The following ADAMTS20 variants were observed in gnomAD, a reference collection of about 807,000 sequenced individuals.
ADAMTS20 encodes the protein A disintegrin and metalloproteinase with thrombospondin motifs 20.
Under a neutral mutation model 260.1 loss-of-function variants are expected in ADAMTS20, and 225 were observed. That is an observed-to-expected ratio of 0.87 (90% CI 0.78 to 0.97). The LOEUF is 0.97. Among genes scored for constraint, ADAMTS20 ranks in the 50% least tolerant of loss-of-function variants. The pLI, the probability that ADAMTS20 is intolerant of heterozygous loss-of-function variation, is 0.00. For missense variants in ADAMTS20, 2,400 were observed against 2,337.7 expected, an observed-to-expected ratio of 1.03 and a Z score of -0.55; for synonymous variants, 802 against 769.5, an observed-to-expected ratio of 1.04 and a Z score of -0.70.
chr12:43,389,020 A>G (rs887651586), intron 29 of ADAMTS20, among the ~76,000 whole-genome samples: 1 of 152,182 alleles, frequency 6.6e-6, no homozygotes, highest in Non-Finnish European at 1.5e-5. Context: ...GAACTTCATC[A>G]TATAAATTTT....
At chr12:43,502,511 C>T in intron 3 of ADAMTS20, 106 bp from the exon 4 acceptor site, 1 of 1,000,408 alleles carries the variant, frequency 1.0e-6, no homozygotes, top group Non-Finnish European at 1.4e-6. Context: ...CATATCTGTT[C>T]CCAACATGAA....
At chr12:43,393,154 A>G (rs1038531778) in intron 29 of ADAMTS20, among the ~76,000 whole-genome samples, 2 of 152,194 alleles carry the variant, frequency 1.3e-5, no homozygotes, top group Admixed American at 1.3e-4. Flanking sequence ...AAACACTATC[A>G]TCCACTCTTA....
At chr12:43,455,714 T>A (rs1035922923) in intron 11 of ADAMTS20, among the ~76,000 whole-genome samples, 43 of 149,476 alleles carry the variant, frequency 2.9e-4, no homozygotes, top group African/African-American at 9.7e-4. Flanking sequence ...CTTTCATCTT[T>A]TTTTTTTTTT....
At chr12:43,510,165 G>T (rs568225018) in intron 3 of ADAMTS20, among the ~76,000 whole-genome samples, 1 of 152,172 alleles carries the variant, frequency 6.6e-6, no homozygotes, top group Non-Finnish European at 1.5e-5. Context: ...AATATAAATG[G>T]TGTGTGTAGT....
Position 43,441,313 on chromosome 12 carries a change from A to G in ADAMTS20, c.2291-1244T>C, listed in dbSNP as rs561976172. ...ACCTATAGAATATGTATATGTGTGT[A>G]TATTTATTTATATACTATATATATA... is the stretch of plus-strand genomic sequence containing the variant. On this transcript the variant is annotated intron_variant, in intron 16 of 38. Coordinates refer to ENST00000389420, the MANE Select transcript of ADAMTS20 (RefSeq NM_025003.5). Among the ~76,000 whole-genome samples, 16 of 151,744 alleles carry G rather than the reference A, an allele frequency of 1.1e-4. 1 individual carries two copies. The South Asian group carries it at 3.3e-3, about 31-fold the overall frequency.
In ADAMTS20 at chr12:43,428,495, G is replaced by A. The variant is rs1247849319; in HGVS notation, c.3691C>T (p.Gln1231Ter). 6.2e-7 allele frequency: 1 copy of A among 1,613,732 alleles called. No homozygotes were observed. The highest frequency in any genetic ancestry group is 8.5e-7 in the Non-Finnish European group (1 of 1,179,758). Residue 1231 changes from glutamine (Q) to a stop codon, truncating the protein, a stop_gained, in exon 26 of 39, where the codon CAA (glutamine) becomes TAA (stop). Coordinates refer to ENST00000389420, the MANE Select transcript of ADAMTS20 (RefSeq NM_025003.5). LOFTEE classifies it high-confidence loss of function. ...TGATGGTAGTTCATGCATAAAACTT[G>A]TCGAGTTGTTTTTCCATGGCCACAG... ...ASCGHGKTTR[Q>*]VLCMNYHQPI...
At chr12:43,491,198 C>A (rs1942594744) in intron 6 of ADAMTS20, among the ~76,000 whole-genome samples, 1 of 151,994 alleles carries the variant, frequency 6.6e-6, no homozygotes. Flanking sequence ...CAAATGTTTA[C>A]CATTGTGTTA....
At chr12:43,451,925 G>A (rs1941870973) in intron 14 of ADAMTS20, among the ~76,000 whole-genome samples, 1 of 152,142 alleles carries the variant, frequency 6.6e-6, no homozygotes, top group Non-Finnish European at 1.5e-5. Flanking sequence ...AAACATTACT[G>A]TAGAAGCTTA....
intron 29 of ADAMTS20, among the ~76,000 whole-genome samples, chr12:43,394,313 G>T (rs183943048): frequency 1.1e-4 from 17 of 152,120 alleles, no homozygotes; most frequent in Non-Finnish European, 1.3e-4. Context: ...TTTTTCTCTA[G>T]GGATATGGAA....
At chr12:43,415,838 G>A (rs1941119739) in intron 28 of ADAMTS20, among the ~76,000 whole-genome samples, 1 of 152,148 alleles carries the variant, frequency 6.6e-6, no homozygotes, top group African/African-American at 2.4e-5. Context: ...TTTTGGTAAA[G>A]TCAAGATTAT....
At chr12:43,514,501 G>A (rs929326538) in intron 3 of ADAMTS20, among the ~76,000 whole-genome samples, 6 of 140,164 alleles carry the variant, frequency 4.3e-5, no homozygotes, top group Non-Finnish European at 9.1e-5. Context: ...GGCAGAGGTT[G>A]CAGTGAGCCA....
At chr12:43,365,309 T>G (rs1186938930) in intron 37 of ADAMTS20, among the ~76,000 whole-genome samples, 10 of 151,980 alleles carry the variant, frequency 6.6e-5, no homozygotes, top group African/African-American at 2.4e-4. Flanking sequence ...CAAATCAACT[T>G]AAAAAATCAA....
chr12:43,472,218 C>T (rs2137395904), intron 7 of ADAMTS20, among the ~76,000 whole-genome samples: 1 of 150,580 alleles, frequency 6.6e-6, no homozygotes, highest in South Asian at 2.1e-4. Context: ...ATGCGATCAA[C>T]TGGAAGAAAG....
chr12:43,413,921 G>C (rs1236308108), intron 28 of ADAMTS20, among the ~76,000 whole-genome samples: 2 of 152,066 alleles, frequency 1.3e-5, no homozygotes, highest in African/African-American at 4.8e-5. Context: ...TGTGTGTGCA[G>C]AACTAACCAC....
At chr12:43,365,850 T>C (rs948131961) in intron 37 of ADAMTS20, among the ~76,000 whole-genome samples, 1 of 151,908 alleles carries the variant, frequency 6.6e-6, no homozygotes, top group Non-Finnish European at 1.5e-5. Context: ...TGATAAGATA[T>C]ATATTGTAAG....
At chr12:43,506,782 T>G (rs979457643) in intron 3 of ADAMTS20, among the ~76,000 whole-genome samples, 104 of 57,680 alleles carry the variant, frequency 1.8e-3, no homozygotes, top group African/African-American at 7.6e-3. Flanking sequence ...CTGGCCACCT[T>G]TTTTTTTTTT....
intron 3 of ADAMTS20, among the ~76,000 whole-genome samples, chr12:43,511,158 C>G (rs1376958502): frequency 6.6e-6 from 1 of 152,072 alleles, no homozygotes; most frequent in Non-Finnish European, 1.5e-5. Flanking sequence ...TCAGGTCCTT[C>G]TCACCTCAGA....
intron 3 of ADAMTS20, among the ~76,000 whole-genome samples, chr12:43,524,405 T>C (rs1015996982): frequency 1.3e-5 from 2 of 151,752 alleles, no homozygotes; most frequent in Non-Finnish European, 2.9e-5. Context: ...TCTACCCAAA[T>C]GAGAAGGAAC....
Position 43,551,658 on chromosome 12 carries a change from C to A in ADAMTS20, c.91+173G>T, listed in dbSNP as rs1392612822. The stretch of plus-strand genomic sequence containing the variant: ...GATGCGTCTTAGGCGCGCGCGATTC[C>A]TCGAAACCCGGCGCAGTCGCGACCT... On this transcript the variant is annotated intron_variant, in intron 1 of 38. Transcript: ENST00000389420. The surrounding 1 kb of genome is among the most constrained non-coding windows in gnomAD (Gnocchi z 4.6). Among the ~76,000 whole-genome samples, 3 of 152,208 alleles carry A rather than the reference C, an allele frequency of 2.0e-5. No individual in the cohort carries two copies. Among genetic ancestry groups the A allele is most frequent in the Non-Finnish European group, 4.4e-5 (3 of 68,036 alleles).
Sources: allele counts gnomAD v4.1 joint callset (sites outside exome capture counted in the v4.1 genomes callset), GRCh38; gene constraint gnomAD v4.1.1; non-coding constraint Gnocchi (gnomAD v3.1); transcripts MANE v1.5; gene names NCBI Gene and HGNC (gene_info 2026-07-23, HGNC 2026-07-21).